The following PCMTD1 variants were observed in gnomAD, a reference collection of about 807,000 sequenced individuals.
PCMTD1 encodes the protein protein-L-isoaspartate O-methyltransferase domain-containing protein 1.
In PCMTD1, 12 loss-of-function variants were observed where a neutral mutation model predicts 37.6. The observed-to-expected ratio is 0.32, with a 90% CI of 0.20 to 0.52. PCMTD1 has a LOEUF of 0.52. PCMTD1 is among the 20% of genes least tolerant of loss of function. The pLI is 0.97. For missense variants in PCMTD1, 235 were observed against 421.3 expected (o/e 0.56, Z 3.87); for synonymous variants, 117 against 135.8 (o/e 0.86, Z 0.96).
chr8:51,847,846 G>A (rs1178304200), intron 2 of PCMTD1, among the ~76,000 whole-genome samples: 2 of 152,110 alleles, frequency 1.3e-5, no homozygotes, highest in African/African-American at 2.4e-5. Flanking sequence ...GGGAGGCCAA[G>A]GTGGGAGGAT....
At chr8:51,888,451 G>C (rs1203437596) in intron 1 of PCMTD1, among the ~76,000 whole-genome samples, 2 of 152,156 alleles carry the variant, frequency 1.3e-5, no homozygotes, top group Non-Finnish European at 1.5e-5. Flanking sequence ...AGCAGGACCT[G>C]ATTTTCGTAA....
At chr8:51,897,336 T>G (rs1241154565) in intron 1 of PCMTD1, among the ~76,000 whole-genome samples, 2 of 152,214 alleles carry the variant, frequency 1.3e-5, no homozygotes, top group East Asian at 3.8e-4. Flanking sequence ...TCCAGTTTAC[T>G]CCCTATAGCT....
At chr8:51,823,837 C>T (rs1244978202) in intron 5 of PCMTD1, among the ~76,000 whole-genome samples, 1 of 152,140 alleles carries the variant, frequency 6.6e-6, no homozygotes, top group African/African-American at 2.4e-5. Flanking sequence ...CATCTAAAAG[C>T]TTATCCACCA....
intron 1 of PCMTD1, among the ~76,000 whole-genome samples, chr8:51,883,149 C>T (rs901859975): frequency 6.6e-6 from 1 of 151,424 alleles, no homozygotes; most frequent in Non-Finnish European, 1.5e-5. Flanking sequence ...AAAAAAAGAA[C>T]AGACAAAAAA....
intron 1 of PCMTD1, among the ~76,000 whole-genome samples, chr8:51,894,144 C>A (rs764879996): frequency 1.3e-5 from 2 of 151,920 alleles, no homozygotes; most frequent in Non-Finnish European, 2.9e-5. Context: ...TAGACTTTTA[C>A]ATGGAAGACT....
intron 1 of PCMTD1, among the ~76,000 whole-genome samples, chr8:51,882,544 AAAGT>A (rs1055210337): frequency 3.3e-5 from 5 of 152,142 alleles, no homozygotes; most frequent in Admixed American, 1.3e-4. Flanking sequence ...TGGCCTCTTC[AAAGT>A]AAGGGTCTAT....
At chr8:51,859,748 A>G (rs2129286322) in intron 2 of PCMTD1, among the ~76,000 whole-genome samples, 1 of 152,340 alleles carries the variant, frequency 6.6e-6, no homozygotes, top group East Asian at 1.9e-4. Context: ...ACACTGGAAC[A>G]TAGAGTCACC....
At chr8:51,869,208 A>AT (rs1325784276) in intron 1 of PCMTD1, among the ~76,000 whole-genome samples, 3 of 152,160 alleles carry the variant, frequency 2.0e-5, no homozygotes, top group Non-Finnish European at 4.4e-5. Flanking sequence ...GAAATGTACA[A>AT]TTTTTTTTAT....
chr8:51,883,499 CT>C (rs2038821623), intron 1 of PCMTD1, among the ~76,000 whole-genome samples: 1 of 152,088 alleles, frequency 6.6e-6, no homozygotes, highest in African/African-American at 2.4e-5. Flanking sequence ...AGATTTTCTT[CT>C]TAATTATTAA....
At chr8:51,880,534 T>C (rs1192020005) in intron 1 of PCMTD1, among the ~76,000 whole-genome samples, 1 of 152,198 alleles carries the variant, frequency 6.6e-6, no homozygotes, top group Non-Finnish European at 1.5e-5. Flanking sequence ...TCTTCTCTAC[T>C]CCCCAACTCA....
intron 2 of PCMTD1, among the ~76,000 whole-genome samples, chr8:51,859,928 C>T (rs1332481164): frequency 6.6e-6 from 1 of 152,116 alleles, no homozygotes; most frequent in Non-Finnish European, 1.5e-5. Flanking sequence ...CACCCCACCC[C>T]CCTAAATAAT....
intron 1 of PCMTD1, among the ~76,000 whole-genome samples, chr8:51,897,613 A>C (rs2039025498): frequency 6.6e-6 from 1 of 152,234 alleles, no homozygotes; most frequent in Non-Finnish European, 1.5e-5. Flanking sequence ...CAATACGTAA[A>C]CATATTAATC....
rs774471484 is a variant in PCMTD1 at position 51,818,146 on chromosome 8, T to A, written c.*2205A>T. 6.2e-6 allele frequency: 2 copies of A among 321,070 alleles called. No individual in the cohort carries two copies. Among genetic ancestry groups the A allele is most frequent in the Non-Finnish European group, 1.2e-5 (2 of 165,764 alleles). The allele number at this position is 321,070 out of a possible 1,614,324, so 19.9% of individuals were successfully genotyped here. On this transcript the variant is annotated 3_prime_UTR_variant, in exon 6 of 6. Coordinates refer to ENST00000522514, the MANE Select transcript of PCMTD1 (RefSeq NM_052937.4). ...ATTCTAATATATCTGCATTAATAGATAAAAAGGCTTTAGCTTTAATTTTCA... is the reference window on the plus strand; with the variant it reads ...ATTCTAATATATCTGCATTAATAGAAAAAAAGGCTTTAGCTTTAATTTTCA...
chr8:51,844,339 C>T (rs758977181), intron 3 of PCMTD1, among the ~76,000 whole-genome samples: 1 of 152,046 alleles, frequency 6.6e-6, no homozygotes, highest in Non-Finnish European at 1.5e-5. Context: ...CAGGATGGTG[C>T]TCAGTAAATT....
intron 5 of PCMTD1, among the ~76,000 whole-genome samples, chr8:51,824,714 A>T (rs2037898149): frequency 6.6e-6 from 1 of 152,090 alleles, no homozygotes; most frequent in African/African-American, 2.4e-5. Context: ...TTCATATGGA[A>T]CCCAAAGAGC....
chr8:51,884,441 A>C (rs1469451498), intron 1 of PCMTD1, among the ~76,000 whole-genome samples: 1 of 152,244 alleles, frequency 6.6e-6, no homozygotes, highest in Non-Finnish European at 1.5e-5. Context: ...AAAGTTTCTG[A>C]ATGGCAAAAG....
At position 51,859,817 on chromosome 8, in the gene PCMTD1, G is replaced by T. The variant is rs547663516; in HGVS notation, c.307+1028C>A. 1.3e-3 allele frequency among the ~76,000 whole-genome samples: 200 copies of T among 152,224 alleles called. 1 individual carries two copies. The highest frequency in any genetic ancestry group is 4.7e-3 in the African/African-American group (196 of 41,534). Reference sequence around the variant, plus strand: ...TCTTCAATGATTCCCCATCACTTTAGAATGAATTTTACACCACATTCTCAT... The same window carrying T: ...TCTTCAATGATTCCCCATCACTTTATAATGAATTTTACACCACATTCTCAT... On this transcript the variant is annotated intron_variant, in intron 2 of 5. Transcript: ENST00000522514.
Position 51,862,514 on chromosome 8 carries a change from T to C in PCMTD1, c.-95-1268A>G, listed in dbSNP as rs138005526. Among the ~76,000 whole-genome samples the C allele has an allele frequency of 1.3e-4, 20 of 152,312 alleles. 1 individual carries two copies. The East Asian group carries it at 3.5e-3, about 26-fold the overall frequency. ...TTAAGCTTTATTCAACTATAGCTAGTAAGTTAATGTATCAATTCCTGAATT... is the reference window on the plus strand; with the variant it reads ...TTAAGCTTTATTCAACTATAGCTAGCAAGTTAATGTATCAATTCCTGAATT... On this transcript the variant is annotated intron_variant, in intron 1 of 5. Transcript: ENST00000522514.
chr8:51,833,491 A>C, intron 4 of PCMTD1, 27 bp downstream of exon 4: 1 of 1,576,348 alleles, frequency 6.3e-7, no homozygotes, highest in Non-Finnish European at 8.6e-7. Flanking sequence ...TTCCTAGGCC[A>C]CTAAAGAAAA....
Sources: gnomAD v4.1 joint callset for allele counts (sites outside exome capture counted in the v4.1 genomes callset) on GRCh38, gnomAD v4.1.1 for gene constraint, MANE v1.5 for transcripts, NCBI Gene and HGNC (gene_info 2026-07-23, HGNC 2026-07-21) for gene names.